Variants in SEMA3A observed in about 807,000 individuals in gnomAD.
SEMA3A encodes semaphorin 3A, also known as semaphorin-3A.
SEMA3A carries 29 observed loss-of-function variants against 97.9 expected under a neutral mutation model. The ratio of observed to expected loss-of-function variants is 0.30; its 90% CI spans 0.22 to 0.40. The LOEUF (loss-of-function observed/expected upper bound fraction) is 0.40. Ranked by LOEUF, SEMA3A falls within the 10% of genes least tolerant of loss-of-function variation. The pLI is 1.00. For synonymous variants in SEMA3A, 321 were observed against 323.7 expected (o/e 0.99, Z 0.09); for missense variants, 763 against 951.3 (o/e 0.80, Z 2.60).
intron 2 of SEMA3A, among the ~76,000 whole-genome samples, chr7:84,349,712 TA>T (rs1430619793): frequency 3.2e-4 from 49 of 152,336 alleles, no homozygotes; most frequent in African/African-American, 1.1e-3. Flanking sequence ...GGCCTCCATA[TA>T]AATTATTCCA....
intron 1 of SEMA3A, among the ~76,000 whole-genome samples, chr7:84,434,783 C>A (rs932019529): frequency 6.6e-6 from 1 of 152,014 alleles, no homozygotes; most frequent in African/African-American, 2.4e-5. Flanking sequence ...TCAATAAATA[C>A]AGAAAAGCCT....
intron 3 of SEMA3A, among the ~76,000 whole-genome samples, chr7:84,248,990 G>A (rs1028372650): frequency 2.6e-5 from 4 of 152,098 alleles, no homozygotes; most frequent in African/African-American, 9.7e-5. Flanking sequence ...ACCTCATGAG[G>A]AATGAGAGTC....
At chr7:84,052,509 G>A (rs1226688918) in intron 5 of SEMA3A, among the ~76,000 whole-genome samples, 1 of 152,094 alleles carries the variant, frequency 6.6e-6, no homozygotes, top group Non-Finnish European at 1.5e-5. Context: ...AGAGGTGTTT[G>A]TAGTATTCTC....
At chr7:84,353,593 A>T (rs912201747) in intron 2 of SEMA3A, among the ~76,000 whole-genome samples, 33 of 151,860 alleles carry the variant, frequency 2.2e-4, no homozygotes, top group African/African-American at 7.2e-4. Context: ...AAAGGTTCAG[A>T]TGGGTAAAGC....
intron 1 of SEMA3A, among the ~76,000 whole-genome samples, chr7:84,183,273 C>T (rs1436990620): frequency 1.3e-5 from 2 of 152,078 alleles, no homozygotes; most frequent in Non-Finnish European, 2.9e-5. Flanking sequence ...ATGTTTTTGT[C>T]ACTAGAATGT....
intron 4 of SEMA3A, among the ~76,000 whole-genome samples, chr7:84,099,744 G>A (rs1469230274): frequency 1.3e-5 from 2 of 152,136 alleles, no homozygotes; most frequent in East Asian, 3.9e-4. Context: ...ATATCTTGAT[G>A]TTTTCATTTG....
intron 1 of SEMA3A, among the ~76,000 whole-genome samples, chr7:84,429,939 C>A (rs1408270598): frequency 6.6e-6 from 1 of 151,726 alleles, no homozygotes; most frequent in Non-Finnish European, 1.5e-5. Context: ...CCCACATATG[C>A]TACCTAGGAG....
chr7:84,442,606 CTT>C (rs1451070036), intron 1 of SEMA3A, among the ~76,000 whole-genome samples: 1 of 151,914 alleles, frequency 6.6e-6, no homozygotes, highest in Non-Finnish European at 1.5e-5. Context: ...TAGCAGAAAT[CTT>C]TCCTTACCGG....
intron 12 of SEMA3A, among the ~76,000 whole-genome samples, chr7:84,000,283 G>C (rs1790387908): frequency 6.6e-6 from 1 of 151,994 alleles, no homozygotes; most frequent in Non-Finnish European, 1.5e-5. Context: ...ATAAGGATTA[G>C]TCATCACTCT....
intron 1 of SEMA3A, among the ~76,000 whole-genome samples, chr7:84,455,864 T>G (rs571948366): frequency 6.6e-6 from 1 of 152,100 alleles, no homozygotes; most frequent in African/African-American, 2.4e-5. Context: ...AGTAACCAAA[T>G]ACTCTAAATT....
chr7:84,107,764 T>A (rs771194000), intron 4 of SEMA3A, among the ~76,000 whole-genome samples: 15 of 152,108 alleles, frequency 9.9e-5, no homozygotes, highest in Non-Finnish European at 1.9e-4. Flanking sequence ...AAATCTCAAC[T>A]TCAAAAATCA....
chr7:84,359,522 G>A (rs1312401893), intron 2 of SEMA3A, among the ~76,000 whole-genome samples: 1 of 152,012 alleles, frequency 6.6e-6, no homozygotes, highest in Non-Finnish European at 1.5e-5. Flanking sequence ...TTTTTGATGT[G>A]CTGCTGGATT....
At chr7:84,425,174 A>C (rs1437908044) in intron 1 of SEMA3A, among the ~76,000 whole-genome samples, 1 of 112,300 alleles carries the variant, frequency 8.9e-6, no homozygotes, top group Non-Finnish European at 1.6e-5. Flanking sequence ...TATTAAATAT[A>C]TTATACGCAT....
At chr7:84,172,454 G>T (rs554924188) in intron 1 of SEMA3A, among the ~76,000 whole-genome samples, 1 of 151,600 alleles carries the variant, frequency 6.6e-6, no homozygotes, top group Non-Finnish European at 1.5e-5. Context: ...ACAGAGTCTC[G>T]CTCTGTCACC....
chr7:84,171,820 AT>A (rs921942229), intron 1 of SEMA3A, among the ~76,000 whole-genome samples: 1 of 152,178 alleles, frequency 6.6e-6, no homozygotes, highest in African/African-American at 2.4e-5. Flanking sequence ...TTTACTAAAA[AT>A]TACATTTTAT....
chr7:84,396,470 A>G (rs746348247), intron 1 of SEMA3A, among the ~76,000 whole-genome samples: 12 of 152,008 alleles, frequency 7.9e-5, no homozygotes, highest in Non-Finnish European at 1.2e-4. Context: ...TGAAATGACA[A>G]TAGGCTGGTA....
chr7:84,227,729 T>G (rs1799022097), intron 3 of SEMA3A, among the ~76,000 whole-genome samples: 4 of 151,980 alleles, frequency 2.6e-5, no homozygotes, highest in Admixed American at 2.6e-4. Flanking sequence ...GTGATGTGAT[T>G]TGAATGGAAC....
intron 1 of SEMA3A, among the ~76,000 whole-genome samples, chr7:84,445,772 G>T (rs1805398463): frequency 6.6e-6 from 1 of 151,010 alleles, no homozygotes; most frequent in South Asian, 2.1e-4. Context: ...AATCAAGAAA[G>T]ATCTCAAAGC....
At chr7:84,092,915 G>A (rs1347591362) in intron 4 of SEMA3A, among the ~76,000 whole-genome samples, 6 of 151,828 alleles carry the variant, frequency 4.0e-5, no homozygotes, top group Admixed American at 3.9e-4. Flanking sequence ...TAGGTCATAT[G>A]TATACAAGGG....
Sources: gnomAD v4.1 joint callset for allele counts (sites outside exome capture counted in the v4.1 genomes callset) on GRCh38, gnomAD v4.1.1 for gene constraint, MANE v1.5 for transcripts, NCBI Gene and HGNC (gene_info 2026-07-23, HGNC 2026-07-21) for gene names.